Variants in MTHFD2 observed in about 807,000 individuals in gnomAD.
The protein encoded by MTHFD2 is methylenetetrahydrofolate dehydrogenase (NADP+ dependent) 2, methenyltetrahydrofolate cyclohydrolase.
Under a neutral mutation model 36.8 loss-of-function variants are expected in MTHFD2, and 26 were observed. That is an observed-to-expected ratio of 0.71 (90% confidence interval 0.52 to 0.98). The LOEUF (loss-of-function observed/expected upper bound fraction) is 0.98, where lower values mean the gene tolerates loss of function less well. Ranked by LOEUF, MTHFD2 falls within the 50% of genes least tolerant of loss-of-function variation. MTHFD2 has a pLI of 0.00. For missense variants in MTHFD2, 373 were observed against 434.0 expected (o/e 0.86, Z 1.25); for synonymous variants, 164 against 155.2 (o/e 1.06, Z -0.42).
chr2:74,208,860 T>A, intron 4 of MTHFD2, 139 bp downstream of exon 4: 1 of 914,428 alleles, frequency 1.1e-6, no homozygotes, highest in Non-Finnish European at 1.6e-6. Context: ...TTACCTCTCT[T>A]AACAGTTTTT....
rs1694450105 is a variant in MTHFD2 at position 74,216,535 on chromosome 2, A to G, written c.*2293A>G. ...TCTATTCCAGATCAGCCAGGTTTTA[A>G]AACTGAAATGTGTTAAGGGTGGATT... On this transcript the variant is annotated 3_prime_UTR_variant, in exon 8 of 8. Transcript: ENST00000394053. 6.6e-6 allele frequency: 1 copy of G among 152,192 alleles called. No individual in the cohort carries two copies. The highest frequency in any genetic ancestry group is 2.4e-5 in the African/African-American group (1 of 41,440). The allele number at this position is 152,192 out of a possible 1,614,324, so 9.4% of individuals were successfully genotyped here. A position where few individuals can be genotyped will look rare whatever the true frequency, so the allele number is the denominator to read the frequency against.
intron 7 of MTHFD2, among the ~76,000 whole-genome samples, chr2:74,212,430 C>T (rs1434106127): frequency 1.3e-5 from 2 of 151,938 alleles, no homozygotes; most frequent in Admixed American, 6.6e-5. Flanking sequence ...CCACGCCCAA[C>T]TAATTTTGTG....
At chr2:74,211,938 T>G (rs1411606436) in intron 7 of MTHFD2, 72 bp downstream of exon 7, 3 of 1,202,734 alleles carry the variant, frequency 2.5e-6, no homozygotes, top group Non-Finnish European at 3.3e-6. Context: ...TAGGATAGAT[T>G]ATTTACTTTT....
At chr2:74,213,543 GC>G (rs1279254499) in intron 7 of MTHFD2, among the ~76,000 whole-genome samples, 1 of 151,954 alleles carries the variant, frequency 6.6e-6, no homozygotes, top group South Asian at 2.1e-4. Flanking sequence ...CCCTGCCTCA[GC>G]CCCCCAGAGT....
rs536454090 is a variant in MTHFD2 at position 74,208,563 on chromosome 2, T to C, written c.410-6T>C. 6.2e-7 allele frequency: 1 copy of C among 1,613,488 alleles called. No individual in the cohort carries two copies. The highest frequency in any genetic ancestry group is 1.1e-5 in the South Asian group (1 of 90,994). On this transcript the variant is annotated splice_polypyrimidine_tract_variant and splice_region_variant and intron_variant, in intron 3 of 7. Transcript: ENST00000394053. ...TTTAAGGCAACTGTGCCAATTTCTT[T>C]TTCAGAGCATATTGATGAGAGAAGG... is the stretch of plus-strand genomic sequence containing the variant.
Position 74,205,761 on chromosome 2 carries a change from T to C in MTHFD2, c.158T>C (p.Val53Ala). 6.2e-7 allele frequency: 1 copy of C among 1,613,630 alleles called. No individual in the cohort carries two copies. Among genetic ancestry groups the C allele is most frequent in the South Asian group, 1.1e-5 (1 of 91,056 alleles). ...RKLAQQIKQEVRQEVEEWVAS... is the reference protein window; with the variant it reads ...RKLAQQIKQEARQEVEEWVAS... ...CTGGCCCAGCAGATCAAGCAGGAAG[T>C]GCGGCAGGAGGTAGAAGAGTGGGTG... Residue 53 changes from valine (V) to alanine (A), a missense_variant, in exon 2 of 8, where the codon GTG (valine) becomes GCG (alanine). By Grantham distance (64) the Val-to-Ala change is moderately conservative. Around this residue, in one of 2 missense-constraint regions of MTHFD2, gnomAD observed 308 missense variants for 397.8 expected, o/e 0.77. Coordinates refer to ENST00000394053, the MANE Select transcript of MTHFD2 (RefSeq NM_006636.4).
At chr2:74,203,951 T>C (rs980163303) in intron 1 of MTHFD2, among the ~76,000 whole-genome samples, 2 of 151,836 alleles carry the variant, frequency 1.3e-5, no homozygotes, top group Non-Finnish European at 2.9e-5. Context: ...TCTTTCTCTG[T>C]CGCCCAGGCT....
At chr2:74,203,919 A>AGTT (rs1694116134) in intron 1 of MTHFD2, among the ~76,000 whole-genome samples, 2 of 110,888 alleles carry the variant, frequency 1.8e-5, no homozygotes, top group Non-Finnish European at 3.8e-5. Flanking sequence ...AGTTTAGTTT[A>AGTT]GTTTAGTTTT....
chr2:74,214,025 C>A, intron 7 of MTHFD2, 54 bp from the exon 8 acceptor site: 2 of 1,547,926 alleles, frequency 1.3e-6, no homozygotes, highest in Non-Finnish European at 1.8e-6. Context: ...TATTAAAGTA[C>A]ACACATGTCC....
intron 1 of MTHFD2, among the ~76,000 whole-genome samples, chr2:74,203,563 G>C (rs1558852531): frequency 2.0e-5 from 3 of 152,162 alleles, no homozygotes; most frequent in African/African-American, 7.2e-5. Context: ...AGAATTGCAT[G>C]AACTTGGGAG....
intron 7 of MTHFD2, 101 bp from the exon 8 acceptor site, chr2:74,213,978 G>T: frequency 7.7e-7 from 1 of 1,295,638 alleles, no homozygotes; most frequent in Non-Finnish European, 1.1e-6. Context: ...TTATGCTTAT[G>T]TATGTTACTT....
Position 74,216,240 on chromosome 2 carries a change from G to C in MTHFD2, c.*1998G>C, listed in dbSNP as rs374758710. 2 of 152,236 alleles carry C rather than the reference G, an allele frequency of 1.3e-5. No individual in the cohort carries two copies. Among genetic ancestry groups the C allele is most frequent in the East Asian group, 3.8e-4 (2 of 5,200 alleles). The allele number at this position is 152,236 out of a possible 1,614,324, so 9.4% of individuals were successfully genotyped here. On this transcript the variant is annotated 3_prime_UTR_variant, in exon 8 of 8. Coordinates refer to ENST00000394053, the MANE Select transcript of MTHFD2 (RefSeq NM_006636.4). ...ACCTAGATTATTAAATGTGGAGCAA[G>C]ATGACCAGACAGGATTAAATTTTAT...
rs577201849 is a variant in MTHFD2 at position 74,205,148 on chromosome 2, GA to G, written c.102-555del. Among the ~76,000 whole-genome samples, 30 of 152,176 alleles carry G rather than the reference GA, an allele frequency of 2.0e-4. 1 individual carries two copies. In the South Asian group the frequency reaches 6.0e-3, roughly 30 times the overall value. On this transcript the variant is annotated intron_variant, in intron 1 of 7. Coordinates refer to ENST00000394053, the MANE Select transcript of MTHFD2 (RefSeq NM_006636.4). ...TATATTGTTTGTTTATTCAACTACA[GA>G]ATATAATTTATCGATTTAAACCACC...
At chr2:74,199,144 G>T (rs911621842) in intron 1 of MTHFD2, among the ~76,000 whole-genome samples, 1 of 152,224 alleles carries the variant, frequency 6.6e-6, no homozygotes, top group African/African-American at 2.4e-5. Flanking sequence ...ACAGGCGAGG[G>T]TTCCAAAAGA....
chr2:74,213,993 C>T (rs1694371234), intron 7 of MTHFD2, 86 bp from the exon 8 acceptor site: 8 of 1,414,200 alleles, frequency 5.7e-6, no homozygotes, highest in Admixed American at 2.3e-5. Context: ...TTACTTTTTC[C>T]TTGCATGCTT....
intron 1 of MTHFD2, among the ~76,000 whole-genome samples, chr2:74,201,320 T>C (rs1694037869): frequency 6.6e-6 from 1 of 152,088 alleles, no homozygotes. Flanking sequence ...TTCTTCCTAT[T>C]CTGTTGATTA....
In MTHFD2 at chr2:74,209,780, T is replaced by C. The variant is rs1694264682; in HGVS notation, c.563-162T>C. On this transcript the variant is annotated intron_variant, in intron 4 of 7. Transcript: ENST00000394053. Reference sequence around the variant, plus strand: ...CACATTCCTGTAACATTTTGTAGCCTGTAGTATGCTTTCTCCTGTTTTCTT... The same window carrying C: ...CACATTCCTGTAACATTTTGTAGCCCGTAGTATGCTTTCTCCTGTTTTCTT... 2.0e-5 allele frequency among the ~76,000 whole-genome samples: 3 copies of C among 152,310 alleles called. No homozygotes were observed. In the South Asian group the frequency reaches 6.2e-4, roughly 32 times the overall value.
chr2:74,203,704 G>C (rs1187133894), intron 1 of MTHFD2, among the ~76,000 whole-genome samples: 3 of 152,092 alleles, frequency 2.0e-5, no homozygotes, highest in Admixed American at 2.0e-4. Context: ...TCAGTACCTT[G>C]ATGTTAGGTT....
chr2:74,211,279 A>G lies in MTHFD2; in HGVS notation c.751A>G (p.Ile251Val), dbSNP rs183389698. The G allele has an allele frequency of 8.8e-5, 140 of 1,599,908 alleles. No homozygotes were observed. The African/African-American group carries it at 1.7e-3, about 20-fold the overall frequency. Residue 251 changes from isoleucine to valine, a missense_variant, in exon 6 of 8, where the codon ATA (isoleucine) becomes GTA (valine). Coordinates refer to ENST00000394053, the MANE Select transcript of MTHFD2 (RefSeq NM_006636.4). ...KKHTILADIV[I>V]SAAGIPNLIT... ...ACATACAATTCTTGCAGATATTGTA[A>G]TATCTGCTGCAGGTAAGAACACAAG...
Sources: allele counts gnomAD v4.1 joint callset (sites outside exome capture counted in the v4.1 genomes callset), GRCh38; gene constraint gnomAD v4.1.1; regional missense constraint gnomAD v4.1.1; transcripts MANE v1.5; gene names NCBI Gene and HGNC (gene_info 2026-07-23, HGNC 2026-07-21).